The following TMEM164 variants were observed in gnomAD, a reference collection of about 807,000 sequenced individuals.
TMEM164 encodes RP13-360B22.2.
Under a neutral mutation model 18.8 loss-of-function variants are expected in TMEM164, and 4 were observed. The ratio of observed to expected loss-of-function variants is 0.21; its 90% CI spans 0.10 to 0.49. The LOEUF is 0.49. TMEM164 is among the 20% of genes least tolerant of loss of function. The probability of loss-of-function intolerance (pLI) is 0.98; values close to 1 mark genes in which losing one functional copy is unlikely to be tolerated. For missense variants in TMEM164, 108 were observed against 239.9 expected (o/e 0.45, Z 3.63); for synonymous variants, 86 against 101.7 (o/e 0.85, Z 0.93).
At chrX:110,060,266 G>GAAA (rs140796343) in intron 2 of TMEM164, among the ~76,000 whole-genome samples, 22,678 of 50,982 alleles carry the variant, frequency 0.44, 5,184 homozygotes, top group Non-Finnish European at 0.58. Flanking sequence ...GACCCTGTCT[G>GAAA]AAAAAAAAAA....
intron 5 of TMEM164, among the ~76,000 whole-genome samples, chrX:110,148,093 T>C (rs2066883977): frequency 9.0e-6 from 1 of 110,740 alleles, no homozygotes; most frequent in Non-Finnish European, 1.9e-5. Context: ...AATTTCATGA[T>C]GTCTATTATA....
At chrX:110,077,634 T>C (rs1259520898) in intron 3 of TMEM164, among the ~76,000 whole-genome samples, 3 of 112,222 alleles carry the variant, frequency 2.7e-5, no homozygotes, top group African/African-American at 9.7e-5. Flanking sequence ...TAAGGAGCTC[T>C]TGTAAGGCTG....
At chrX:110,097,660 A>G (rs2066043161) in intron 3 of TMEM164, among the ~76,000 whole-genome samples, 1 of 112,246 alleles carries the variant, frequency 8.9e-6, no homozygotes. Context: ...GGTGAGATGA[A>G]TCGTATTCAG....
At chrX:110,098,828 A>C (rs1602620446) in intron 3 of TMEM164, among the ~76,000 whole-genome samples, 3 of 94,433 alleles carry the variant, frequency 3.2e-5, no homozygotes, top group East Asian at 3.2e-4. Flanking sequence ...AGGGAGTCTC[A>C]CTCTGCCACC....
chrX:110,137,749 A>G (rs1602690558), intron 4 of TMEM164, among the ~76,000 whole-genome samples: 2 of 112,137 alleles, frequency 1.8e-5, no homozygotes, highest in Middle Eastern at 9.1e-3. Flanking sequence ...AGGGGTCCCT[A>G]CCCTGCAAGA....
chrX:110,028,813 C>G (rs1052155618), intron 2 of TMEM164, among the ~76,000 whole-genome samples: 27 of 111,658 alleles, frequency 2.4e-4, no homozygotes, highest in African/African-American at 8.8e-4. Flanking sequence ...ATCACCTTAC[C>G]TTATTTTTTC....
At chrX:110,027,363 T>A (rs1934244954) in intron 2 of TMEM164, among the ~76,000 whole-genome samples, 1 of 112,034 alleles carries the variant, frequency 8.9e-6, no homozygotes, top group Non-Finnish European at 1.9e-5. Flanking sequence ...AATATTAAAT[T>A]GTCTCTGTAC....
At chrX:110,052,745 G>GTTTTTT (rs34292132) in intron 2 of TMEM164, among the ~76,000 whole-genome samples, 15 of 68,813 alleles carry the variant, frequency 2.2e-4, no homozygotes, top group Non-Finnish European at 3.3e-4. Flanking sequence ...ACATGCATCT[G>GTTTTTT]TTTTTTTTTT....
At chrX:110,014,824 A>G (rs1933246002) in intron 2 of TMEM164, among the ~76,000 whole-genome samples, 1 of 92,224 alleles carries the variant, frequency 1.1e-5, no homozygotes, top group East Asian at 3.3e-4. Context: ...AGTGCCAACT[A>G]TTACCAGAGC....
Position 110,051,075 on chromosome X carries a change from C to T in TMEM164, c.391-16272C>T, listed in dbSNP as rs751324854. On this transcript the variant is annotated intron_variant, in intron 2 of 6. Coordinates refer to ENST00000372068, the MANE Select transcript of TMEM164 (RefSeq NM_032227.4). ...AAGACCTATCTCTTTGTGCTCCCAG[C>T]TTGTTGTCTTGGTTACAGGCTTCTT... Among the ~76,000 whole-genome samples, 5 of 112,260 alleles carry T rather than the reference C, an allele frequency of 4.5e-5. No homozygotes were observed. The South Asian group carries it at 1.9e-3, about 42-fold the overall frequency.
At position 110,134,941 on chromosome X, in the gene TMEM164, C is replaced by T. The variant is rs779393157; in HGVS notation, c.508-9857C>T. On this transcript the variant is annotated intron_variant, in intron 4 of 6. Coordinates refer to ENST00000372068, the MANE Select transcript of TMEM164 (RefSeq NM_032227.4). ...GTAAAGAATGTAACATAAAAGTTCCCACCTCCTACTCCCCAGAGAGAATTG... is the reference window on the plus strand; with the variant it reads ...GTAAAGAATGTAACATAAAAGTTCCTACCTCCTACTCCCCAGAGAGAATTG... Among the ~76,000 whole-genome samples the T allele has an allele frequency of 2.3e-4, 26 of 111,322 alleles. 1 individual carries two copies. The South Asian group carries it at 6.4e-3, about 27-fold the overall frequency.
chrX:110,003,934 C>T lies in TMEM164; in HGVS notation c.160C>T (p.Leu54=). 3 of 1,211,552 alleles carry T rather than the reference C, an allele frequency of 2.5e-6. No individual in the cohort carries two copies. Among genetic ancestry groups the T allele is most frequent in the Non-Finnish European group, 3.4e-6 (3 of 895,459 alleles). Reference sequence around the variant, plus strand: ...CCTGACCCTGGCTCTGTTGGAGATCCTGGTGGCCCTGCGGCACATCCTGAG... The same window carrying T: ...CCTGACCCTGGCTCTGTTGGAGATCTTGGTGGCCCTGCGGCACATCCTGAG... The part of the protein sequence containing the change: ...VVLTLALLEI[L]VALRHILRQT... The change falls in exon 2 of 7, where the codon CTG becomes TTG. Residue 54 remains leucine, a synonymous_variant. Transcript: ENST00000372068.
At chrX:110,179,464 C>T (rs1264181284), downstream of TMEM164, among the ~76,000 whole-genome samples, 1 of 112,363 alleles carries the variant, frequency 8.9e-6, no homozygotes, top group Non-Finnish European at 1.9e-5. Context: ...CCACCCCACA[C>T]TCCCAAAAGA....
At chrX:110,162,790 C>A (rs1231290050) in intron 5 of TMEM164, among the ~76,000 whole-genome samples, 1 of 111,921 alleles carries the variant, frequency 8.9e-6, no homozygotes, top group East Asian at 2.8e-4. Flanking sequence ...TTGTCATTCT[C>A]TTCCCTATCC....
intron 3 of TMEM164, among the ~76,000 whole-genome samples, chrX:110,086,660 GTGTGTGTGTATATA>G (rs1316760791): frequency 4.6e-5 from 3 of 65,634 alleles, no homozygotes; most frequent in East Asian, 3.0e-4. Flanking sequence ...ATATATATAT[GTGTGTGTGTATATA>G]TGTGTGTGTG....
chrX:110,170,224 A>T (rs780497662), intron 5 of TMEM164, among the ~76,000 whole-genome samples: 18 of 112,491 alleles, frequency 1.6e-4, no homozygotes, highest in African/African-American at 5.2e-4. Context: ...TTGCACCAGT[A>T]CTTGCTGTAC....
At chrX:110,148,531 A>T (rs181344891) in intron 5 of TMEM164, among the ~76,000 whole-genome samples, 4,766 of 108,922 alleles carry the variant, frequency 0.044, 272 homozygotes, top group African/African-American at 0.15. Context: ...CTTTTTTTAG[A>T]CAGGGTCTCA....
At chrX:110,026,483 C>T (rs765458969) in intron 2 of TMEM164, among the ~76,000 whole-genome samples, 1 of 111,321 alleles carries the variant, frequency 9.0e-6, no homozygotes, top group Non-Finnish European at 1.9e-5. Flanking sequence ...CTCCCTGACT[C>T]TATCTACCCT....
At chrX:110,132,189 A>G (rs760088628) in intron 4 of TMEM164, among the ~76,000 whole-genome samples, 1 of 112,286 alleles carries the variant, frequency 8.9e-6, no homozygotes, top group Non-Finnish European at 1.9e-5. Flanking sequence ...TTGGATACAC[A>G]TAATTGGAGT....
Sources: allele counts gnomAD v4.1 joint callset (sites outside exome capture counted in the v4.1 genomes callset), GRCh38; gene constraint gnomAD v4.1.1; transcripts MANE v1.5; gene names NCBI Gene and HGNC (gene_info 2026-07-23, HGNC 2026-07-21).